POTEC: variants seen among roughly 807,000 people sequenced by gnomAD.
POTEC encodes ANKRD26-like family B member 2.
A neutral mutation model predicts 62.0 loss-of-function variants in POTEC; 35 were observed. That is an observed-to-expected ratio of 0.56 (90% CI 0.43 to 0.75). The LOEUF (loss-of-function observed/expected upper bound fraction) is 0.75, where lower values mean the gene tolerates loss of function less well. POTEC is among the 30% of genes least tolerant of loss of function. The pLI is 0.00. For missense variants in POTEC, 472 were observed against 655.9 expected, an observed-to-expected ratio of 0.72 and a Z score of 3.06; for synonymous variants, 156 against 221.5, an observed-to-expected ratio of 0.70 and a Z score of 2.62.
chr18:14,516,797 A>G (rs1910174623), intron 9 of POTEC, among the ~76,000 whole-genome samples: 1 of 152,006 alleles, frequency 6.6e-6, no homozygotes, highest in African/African-American at 2.4e-5. Context: ...TTAGCCTAGT[A>G]TTTAGTCAAA....
chr18:14,508,374 C>T lies in POTEC; in HGVS notation c.*3524G>A, dbSNP rs9967176. 28,201 of 152,474 alleles carry T rather than the reference C, an allele frequency of 0.18. 2,969 individuals carry two copies. Among genetic ancestry groups the T allele is most frequent in the East Asian group, 0.44 (2,267 of 5,158 alleles). The allele number at this position is 152,474 out of a possible 1,614,324, so 9.4% of individuals were successfully genotyped here. A position where few individuals can be genotyped will look rare whatever the true frequency, so the allele number is the denominator to read the frequency against. ...GTCTATTCTGTTAGATGGTCTTGCACATGAGATGGAGCTGGTCTGACCTCA... is the reference window on the plus strand; with the variant it reads ...GTCTATTCTGTTAGATGGTCTTGCATATGAGATGGAGCTGGTCTGACCTCA... On this transcript the variant is annotated 3_prime_UTR_variant, in exon 11 of 11. Transcript: ENST00000358970.
intron 6 of POTEC, among the ~76,000 whole-genome samples, chr18:14,528,268 T>C (rs1251900477): frequency 1.3e-5 from 2 of 152,330 alleles, no homozygotes; most frequent in Non-Finnish European, 2.9e-5. Context: ...AATGAGCCCC[T>C]GCAGCACACA....
In POTEC at chr18:14,510,041, T is replaced by C. The variant is rs1416012676; in HGVS notation, c.*1857A>G. ...CTGTCCCTGCCCTCCAGGCTCCACA[T>C]CAGCTGACTTGCTGCTCCACTACTT... On this transcript the variant is annotated 3_prime_UTR_variant, in exon 11 of 11. Transcript: ENST00000358970. The C allele has an allele frequency of 1.3e-5, 2 of 149,078 alleles. No homozygotes were observed. Among genetic ancestry groups the C allele is most frequent in the Non-Finnish European group, 3.0e-5 (2 of 67,606 alleles). 9.2% of individuals were successfully genotyped at this position (149,078 alleles called of 1,614,324 possible). A position where few individuals can be genotyped will look rare whatever the true frequency, so the allele number is the denominator to read the frequency against.
At chr18:14,520,384 A>AT (rs529583128) in intron 9 of POTEC, among the ~76,000 whole-genome samples, 2,439 of 150,938 alleles carry the variant, frequency 0.016, 62 homozygotes, top group African/African-American at 0.055. Flanking sequence ...GCTTATACAT[A>AT]AAGACCAAGA....
At chr18:14,521,250 T>C (rs1250938012) in intron 9 of POTEC, among the ~76,000 whole-genome samples, 3 of 152,212 alleles carry the variant, frequency 2.0e-5, no homozygotes, top group Non-Finnish European at 2.9e-5. Flanking sequence ...ACAGTGTCCA[T>C]GTAGCGTGTA....
intron 9 of POTEC, among the ~76,000 whole-genome samples, chr18:14,516,305 T>TG (rs1910152826): frequency 3.8e-5 from 1 of 26,506 alleles, no homozygotes; most frequent in Non-Finnish European, 7.5e-5. Flanking sequence ...ATTTTATATA[T>TG]ATATATATAT....
At chr18:14,533,704 A>T (rs977149339) in intron 4 of POTEC, among the ~76,000 whole-genome samples, 1 of 152,200 alleles carries the variant, frequency 6.6e-6, no homozygotes, top group African/African-American at 2.4e-5. Flanking sequence ...TGCCACATGT[A>T]TCTTTCTTGC....
At chr18:14,532,402 A>T (rs1905555854) in intron 5 of POTEC, among the ~76,000 whole-genome samples, 1 of 152,116 alleles carries the variant, frequency 6.6e-6, no homozygotes, top group Non-Finnish European at 1.5e-5. Flanking sequence ...AAGCATAGGT[A>T]AGGGAACTAA....
chr18:14,535,054 T>C (rs1567914801), intron 3 of POTEC, 47 bp from the exon 4 acceptor site: 17 of 1,596,284 alleles, frequency 1.1e-5, no homozygotes, highest in Non-Finnish European at 1.4e-5. Flanking sequence ...CAAAAAATTA[T>C]GTATTTCTCA....
chr18:14,536,211 T>C (rs867586434), intron 3 of POTEC, among the ~76,000 whole-genome samples: 1 of 145,992 alleles, frequency 6.8e-6, no homozygotes, highest in Admixed American at 6.9e-5. Flanking sequence ...GGGAACAGAG[T>C]GAGACCCCAT....
rs1453431477 is a variant in POTEC at position 14,542,633 on chromosome 18, G to C, written c.514C>G (p.Gln172Glu). 6.2e-7 allele frequency: 1 copy of C among 1,612,314 alleles called. No homozygotes were observed. Among genetic ancestry groups the C allele is most frequent in the Middle Eastern group, 2.0e-4 (1 of 4,900 alleles). ...CATCCCAGGCCCAGTTACCTCTTTTGCTTGTCCCTCTTGTTCATGTCCGTG... is the reference window on the plus strand; with the variant it reads ...CATCCCAGGCCCAGTTACCTCTTTTCCTTGTCCCTCTTGTTCATGTCCGTG... ...RDTDMNKRDK[Q>E]KRTALHLASA... The change falls in exon 1 of 11, where the codon CAA becomes GAA. Residue 172 changes from glutamine to glutamate, a missense_variant. Around this residue, in one of 5 missense-constraint regions of POTEC, gnomAD observed 257 missense variants for 250.7 expected, o/e 1.03. Transcript: ENST00000358970.
At chr18:14,542,425 A>G (rs1412653644) in intron 1 of POTEC, among the ~76,000 whole-genome samples, 3 of 152,168 alleles carry the variant, frequency 2.0e-5, no homozygotes, top group Non-Finnish European at 2.9e-5. Flanking sequence ...GGAAATTATA[A>G]TTGGATTGAA....
At chr18:14,529,478 C>T (rs1204670499) in intron 6 of POTEC, among the ~76,000 whole-genome samples, 7 of 152,154 alleles carry the variant, frequency 4.6e-5, no homozygotes, top group Admixed American at 3.9e-4. Context: ...TAAAACCTAA[C>T]TTACAGAAGC....
rs1909934482 is a variant in POTEC, at chr18:14,509,340, G to A, written c.*2558C>T. Reference sequence around the variant, plus strand: ...ACAGTGGTCACTCAGGGTATAAGAAGGTCCCTTTTCCTCTGCACAGCATTA... The same window carrying A: ...ACAGTGGTCACTCAGGGTATAAGAAAGTCCCTTTTCCTCTGCACAGCATTA... On this transcript the variant is annotated 3_prime_UTR_variant, in exon 11 of 11. Transcript: ENST00000358970. 1 of 152,014 alleles carries A rather than the reference G, an allele frequency of 6.6e-6. No individual in the cohort carries two copies. The highest frequency in any genetic ancestry group is 1.5e-5 in the Non-Finnish European group (1 of 68,006). The allele number at this position is 152,014 out of a possible 1,614,324, so 9.4% of individuals were successfully genotyped here.
At chr18:14,518,990 G>C (rs1316023105) in intron 9 of POTEC, among the ~76,000 whole-genome samples, 2 of 152,150 alleles carry the variant, frequency 1.3e-5, no homozygotes, top group Non-Finnish European at 2.9e-5. Flanking sequence ...TTGATGAAAA[G>C]GGAAGTTTTT....
intron 9 of POTEC, among the ~76,000 whole-genome samples, chr18:14,516,838 C>A (rs1910175893): frequency 1.3e-5 from 2 of 151,806 alleles, no homozygotes; most frequent in African/African-American, 4.8e-5. Context: ...CAGCAGCAAA[C>A]TGTAATTACT....
In POTEC at chr18:14,542,985, CA is replaced by C. The variant is rs781177109; in HGVS notation, c.161del (p.Met54ArgfsTer38). On this transcript the variant is annotated frameshift_variant, in exon 1 of 11. Coordinates refer to ENST00000358970, the MANE Select transcript of POTEC (RefSeq NM_001137671.2). LOFTEE classifies it high-confidence loss of function. Reference protein sequence around the residue: ...GTSGDHDDSFMKMLRSKMGKC... With the variant: ...GTSGDHDDSFXKMLRSKMGKC... Reference sequence around the variant, plus strand: ...TGCCCATCTTGCTCCTGAGCATCTTCATAAAGGAGTCGTCGTGGTCTCCAGA... The same window carrying C: ...TGCCCATCTTGCTCCTGAGCATCTTCTAAAGGAGTCGTCGTGGTCTCCAGA... The C allele has an allele frequency of 1.8e-5, 28 of 1,577,972 alleles. No individual in the cohort carries two copies. The South Asian group carries it at 3.2e-4, about 18-fold the overall frequency.
At chr18:14,514,146 G>A (rs1910087390) in intron 9 of POTEC, among the ~76,000 whole-genome samples, 1 of 151,946 alleles carries the variant, frequency 6.6e-6, no homozygotes, top group African/African-American at 2.4e-5. Context: ...GCAACTAGAT[G>A]GTCTCATCTA....
chr18:14,540,417 G>T (rs1292226294), intron 1 of POTEC, among the ~76,000 whole-genome samples: 1 of 152,066 alleles, frequency 6.6e-6, no homozygotes, highest in Non-Finnish European at 1.5e-5. Flanking sequence ...CAAATCCCCA[G>T]AAATAAGTTT....
Sources: allele counts gnomAD v4.1 joint callset (sites outside exome capture counted in the v4.1 genomes callset), GRCh38; gene constraint gnomAD v4.1.1; regional missense constraint gnomAD v4.1.1; transcripts MANE v1.5; gene names NCBI Gene and HGNC (gene_info 2026-07-23, HGNC 2026-07-21).